The following AGRN variants were observed in gnomAD, a reference collection of about 807,000 sequenced individuals.
AGRN encodes agrin proteoglycan.
In AGRN, 106 loss-of-function variants were observed where a neutral mutation model predicts 211.0. The ratio of observed to expected loss-of-function variants is 0.50; its 90% CI spans 0.43 to 0.59. The LOEUF is 0.59. Ranked by LOEUF, AGRN falls within the 20% of genes least tolerant of loss-of-function variation. The pLI is 0.00. For missense variants in AGRN, 3,040 were observed against 2,982.6 expected, an observed-to-expected ratio of 1.02 and a Z score of -0.45; for synonymous variants, 1,525 against 1,332.5, an observed-to-expected ratio of 1.14 and a Z score of -3.15.
In AGRN at chr1:1,054,889, T is replaced by G; in HGVS notation, c.6046T>G (p.Cys2016Gly). 6.4e-7 allele frequency: 1 copy of G among 1,553,186 alleles called. No homozygotes were observed. Among genetic ancestry groups the G allele is most frequent in the Non-Finnish European group, 8.7e-7 (1 of 1,149,536 alleles). Residue 2016 changes from cysteine (C) to glycine (G), a missense_variant, in exon 36 of 36, where the codon TGC becomes GGC. By Grantham distance (159) the Cys-to-Gly change is radical. This residue lies in a region of AGRN where 1,537 missense variants were observed against 1,505.0 expected (regional missense o/e 1.02). Coordinates refer to ENST00000379370, the MANE Select transcript of AGRN (RefSeq NM_198576.4). ...PKAYGTGFVG[C>G]LRDVVVGRHP... ...GGCCTACGGCACAGGCTTTGTGGGCTGCTTGCGGGACGTGGTGGTGGGCCG... is the reference window on the plus strand; with the variant it reads ...GGCCTACGGCACAGGCTTTGTGGGCGGCTTGCGGGACGTGGTGGTGGGCCG...
At chr1:1,020,848 G>GGT (rs1553170874) in intron 1 of AGRN, among the ~76,000 whole-genome samples, 1 of 12,242 alleles carries the variant, frequency 8.2e-5, no homozygotes, top group African/African-American at 1.3e-4. Flanking sequence ...GCAGTGGTGC[G>GGT]GGGGGGGGGC....
rs558214372 is a variant in AGRN, at chr1:1,043,546, G to A, written c.1612G>A (p.Gly538Arg). Residue 538 changes from glycine to arginine, a missense_variant, in exon 9 of 36, where the codon GGG (glycine) becomes AGG (arginine). By Grantham distance (125) the Gly-to-Arg change is moderately radical. Transcript: ENST00000379370. ...TGGAAGCTCCTCCCCAGACCGCTGC[G>A]GGCAGTGCCGCTTTGGAGCCCTGTG... is the stretch of plus-strand genomic sequence containing the variant. ...VARKGPCDRC[G>R]QCRFGALCEA... 25 of 1,604,388 alleles carry A rather than the reference G, an allele frequency of 1.6e-5. No individual in the cohort carries two copies. Among genetic ancestry groups the A allele is most frequent in the Admixed American group, 5.0e-5 (3 of 60,010 alleles).
rs765927154 is a variant in AGRN at position 1,041,189 on chromosome 1, C to T, written c.744C>T (p.Cys248=). Residue 248 remains cysteine (C), a synonymous_variant, in exon 5 of 36, where the codon TGC becomes TGT. Coordinates refer to ENST00000379370, the MANE Select transcript of AGRN (RefSeq NM_198576.4). ...SRGPCGSRDP[C]SNVTCSFGST... ...CGCCCGCAGGCTCGCGGGACCCCTG[C>T]TCCAACGTGACCTGCAGCTTCGGCA... is the stretch of plus-strand genomic sequence containing the variant. 8 of 1,452,980 alleles carry T rather than the reference C, an allele frequency of 5.5e-6. No individual in the cohort carries two copies. The South Asian group carries it at 1.1e-4, about 19-fold the overall frequency. 90.0% of individuals were successfully genotyped at this position (1,452,980 alleles called of 1,614,324 possible).
intron 1 of AGRN, among the ~76,000 whole-genome samples, chr1:1,021,566 C>T (rs1051035470): frequency 1.3e-5 from 2 of 152,242 alleles, no homozygotes; most frequent in Non-Finnish European, 2.9e-5. Context: ...GTGCGTGGGT[C>T]CCTGTCCCCG....
Position 1,050,014 on chromosome 1 carries a change from G to T in AGRN, c.4856G>T (p.Arg1619Leu), listed in dbSNP as rs753675816. The T allele has an allele frequency of 5.6e-6, 9 of 1,607,884 alleles. No individual in the cohort carries two copies. Among genetic ancestry groups the T allele is most frequent in the African/African-American group, 1.3e-5 (1 of 74,836 alleles). Residue 1619 changes from arginine (R) to leucine (L), a missense_variant, in exon 27 of 36, where the codon CGT becomes CTT. Physicochemically the swap from Arg to Leu is moderately radical, Grantham distance 102. Around this residue, in one of 3 missense-constraint regions of AGRN, gnomAD observed 1,537 missense variants for 1,505.0 expected, o/e 1.02. Coordinates refer to ENST00000379370, the MANE Select transcript of AGRN (RefSeq NM_198576.4). ...GCTCAGTGCGAGTGCCCCCTGGGGCGTGAGGGCACCTTCTGCCAGACAGGT... is the reference window on the plus strand; with the variant it reads ...GCTCAGTGCGAGTGCCCCCTGGGGCTTGAGGGCACCTTCTGCCAGACAGGT... ...GGAQCECPLGREGTFCQTASG... is the reference protein window; with the variant it reads ...GGAQCECPLGLEGTFCQTASG...
intron 2 of AGRN, among the ~76,000 whole-genome samples, chr1:1,029,912 C>T (rs1570154945): frequency 2.0e-5 from 1 of 49,322 alleles, no homozygotes; most frequent in African/African-American, 6.9e-5. Flanking sequence ...TGTGTGTGTG[C>T]AGTGCATGGT....
intron 1 of AGRN, among the ~76,000 whole-genome samples, chr1:1,021,887 G>A (rs541666784): frequency 6.6e-6 from 1 of 152,234 alleles, no homozygotes; most frequent in African/African-American, 2.4e-5. Flanking sequence ...GGCACCCCAA[G>A]CCAGGTGGGC....
At chr1:1,049,188 T>C (rs756913548) in intron 24 of AGRN, 48 bp from the exon 25 acceptor site, 1 of 538,620 alleles carries the variant, frequency 1.9e-6, no homozygotes, top group South Asian at 3.7e-5. Flanking sequence ...GTAGGCGGGG[T>C]GGGGACGGGG....
Position 1,047,849 on chromosome 1 carries a change from G to A in AGRN, c.3705G>A (p.Leu1235=). The A allele has an allele frequency of 6.2e-7, 1 of 1,606,098 alleles. No individual in the cohort carries two copies. The highest frequency in any genetic ancestry group is 8.5e-7 in the Non-Finnish European group (1 of 1,177,114). Residue 1235 remains leucine (L), a synonymous_variant, in exon 22 of 36, where the codon TTG becomes TTA. Coordinates refer to ENST00000379370, the MANE Select transcript of AGRN (RefSeq NM_198576.4). ...TCCAGGTGTCCAGGCGCCGGTCCTTGGGGGTGAGGCGGCCGCTGCAGGAGC... is the reference window on the plus strand; with the variant it reads ...TCCAGGTGTCCAGGCGCCGGTCCTTAGGGGTGAGGCGGCCGCTGCAGGAGC... ...RQIQVSRRRS[L]GVRRPLQEHV... is the part of the protein sequence containing the mutation.
chr1:1,045,982 C>G lies in AGRN; in HGVS notation c.2699C>G (p.Thr900Ser), dbSNP rs748026509. Residue 900 changes from threonine (T) to serine (S), a missense_variant, in exon 16 of 36, where the codon ACC (threonine) becomes AGC (serine). Transcript: ENST00000379370. ...GCEADASAPA[T>S]CAEMRCEFGA... ...GCCCCAGACGCTTCTGCGCCTGCGA[C>G]CTGTGCGGAGATGCGCTGTGAGTTC... The G allele has an allele frequency of 5.0e-6, 8 of 1,613,904 alleles. No individual in the cohort carries two copies. The highest frequency in any genetic ancestry group is 6.8e-6 in the Non-Finnish European group (8 of 1,180,008).
In AGRN at chr1:1,041,579, C is replaced by T. The variant is rs149868381; in HGVS notation, c.1054C>T (p.Arg352Trp). The T allele has an allele frequency of 2.4e-5, 39 of 1,610,496 alleles. No individual in the cohort carries two copies. Among genetic ancestry groups the T allele is most frequent in the Non-Finnish European group, 3.1e-5 (36 of 1,179,316 alleles). Reference protein sequence around the residue: ...MLLRPESCPARQAPVCGDDGV... With the variant: ...MLLRPESCPAWQAPVCGDDGV... ...CCTACGGCCCGAGAGCTGCCCTGCC[C>T]GGCAGGCGCCAGTGTGTGGGGACGA... Residue 352 changes from arginine (R) to tryptophan (W), a missense_variant, in exon 6 of 36, where the codon CGG becomes TGG. By Grantham distance (101) the Arg-to-Trp change is moderately radical. This residue lies in a region of AGRN where 1,498 missense variants were observed against 1,457.8 expected (regional missense o/e 1.03). Coordinates refer to ENST00000379370, the MANE Select transcript of AGRN (RefSeq NM_198576.4).
intron 7 of AGRN, 133 bp from the exon 8 acceptor site, chr1:1,043,106 C>A: frequency 1.0e-6 from 1 of 986,176 alleles, no homozygotes; most frequent in Non-Finnish European, 1.5e-6. Flanking sequence ...TGCTGTGCAT[C>A]TGGCCCTTCT....
chr1:1,034,938 C>G, intron 2 of AGRN: 1 of 432,896 alleles, frequency 2.3e-6, no homozygotes, highest in East Asian at 3.9e-5. Context: ...GGAGGGGCAG[C>G]CGGCTACACT....
At chr1:1,053,542 C>T in intron 33 of AGRN, 1 of 1,527,020 alleles carries the variant, frequency 6.5e-7, no homozygotes, top group Non-Finnish European at 8.8e-7. Context: ...GCCCATCTGT[C>T]CTCCCGCCCG....
chr1:1,054,824 G>T lies in AGRN; in HGVS notation c.5981G>T (p.Gly1994Val). The T allele has an allele frequency of 6.4e-7, 1 of 1,556,110 alleles. No homozygotes were observed. Among genetic ancestry groups the T allele is most frequent in the East Asian group, 2.4e-5 (1 of 41,868 alleles). The part of the protein sequence containing the change: ...QLDTDGALWL[G>V]GLPELPVGPA... The stretch of plus-strand genomic sequence containing the variant: ...GTGACTCCCACTGTCTGTGCTGCAG[G>T]GGGCCTGCCGGAGCTGCCCGTGGGC... The change falls in exon 36 of 36, where the codon GGG becomes GTG. Residue 1994 changes from glycine (G) to valine (V), a missense_variant and splice_region_variant. Transcript: ENST00000379370.
At position 1,041,312 on chromosome 1, in the gene AGRN, C is replaced by T. The variant is rs1394570896; in HGVS notation, c.867C>T (p.Gly289=). 2.0e-6 allele frequency: 3 copies of T among 1,520,876 alleles called. No individual in the cohort carries two copies. Among genetic ancestry groups the T allele is most frequent in the East Asian group, 2.5e-5 (1 of 39,550 alleles). 94.2% of individuals were successfully genotyped at this position (1,520,876 alleles called of 1,614,324 possible). The change falls in exon 5 of 36, where the codon GGC becomes GGT. Residue 289 remains glycine (G), a synonymous_variant. Coordinates refer to ENST00000379370, the MANE Select transcript of AGRN (RefSeq NM_198576.4). ...APEGTVCGSD[G]ADYPGECQLL... is the part of the protein sequence containing the mutation. ...AGGGGACCGTCTGCGGCAGCGACGGCGCCGACTACCCCGGCGAGTGCCAGC... is the reference window on the plus strand; with the variant it reads ...AGGGGACCGTCTGCGGCAGCGACGGTGCCGACTACCCCGGCGAGTGCCAGC...
In AGRN at chr1:1,048,904, C is replaced by T. The variant is rs747285842; in HGVS notation, c.4143C>T (p.Ser1381=). ...GAPVPAFEGR[S]FLAFPTLRAY... is the part of the protein sequence containing the mutation. ...CTGTGCCGGCCTTCGAGGGCCGCTC[C>T]TTCCTGGCCTTCCCCACTCTCCGCG... is the stretch of plus-strand genomic sequence containing the variant. Residue 1381 remains serine, a synonymous_variant, in exon 24 of 36, where the codon TCC becomes TCT. Transcript: ENST00000379370. The surrounding 1 kb of genome is among the most constrained non-coding windows in gnomAD (Gnocchi z 5.9). The T allele has an allele frequency of 2.6e-6, 4 of 1,551,774 alleles. No individual in the cohort carries two copies. The Admixed American group carries it at 7.6e-5, about 29-fold the overall frequency.
chr1:1,034,425 C>T (rs1471627104), intron 2 of AGRN: 3 of 985,680 alleles, frequency 3.0e-6, no homozygotes, highest in Non-Finnish European at 2.4e-6. Context: ...TGGGTGAACT[C>T]TGAGGGCACA....
chr1:1,044,170 C>CCGG lies in AGRN; in HGVS notation c.2063_2065dup (p.Arg688dup). The stretch of plus-strand genomic sequence containing the variant: ...ACGGTGACTGTGAGCAGGAGCTGTG[C>CCGG]CGGCAGCGCGGTGGCATCTGGGACG... On this transcript the variant is annotated inframe_insertion, in exon 11 of 36. Coordinates refer to ENST00000379370, the MANE Select transcript of AGRN (RefSeq NM_198576.4). 1 of 1,613,210 alleles carries CCGG rather than the reference C, an allele frequency of 6.2e-7. No individual in the cohort carries two copies. The highest frequency in any genetic ancestry group is 1.1e-5 in the South Asian group (1 of 91,086).
Sources: gnomAD v4.1 joint callset for allele counts (sites outside exome capture counted in the v4.1 genomes callset) on GRCh38, gnomAD v4.1.1 for gene constraint, gnomAD v4.1.1 regional missense constraint, Gnocchi (gnomAD v3.1) non-coding constraint, MANE v1.5 for transcripts, NCBI Gene and HGNC (gene_info 2026-07-23, HGNC 2026-07-21) for gene names.